MTOR: variants seen among roughly 807,000 people sequenced by gnomAD.
The protein encoded by MTOR is mechanistic target of rapamycin kinase.
In MTOR, 70 loss-of-function variants were observed where a neutral mutation model predicts 319.8. The observed-to-expected ratio is 0.22, with a 90% CI of 0.18 to 0.27. The LOEUF (loss-of-function observed/expected upper bound fraction) is 0.27, where lower values mean the gene tolerates loss of function less well. MTOR is among the 10% of genes least tolerant of loss of function. The pLI is 1.00. For synonymous variants in MTOR, 1,183 were observed against 1,211.4 expected, an observed-to-expected ratio of 0.98 and a Z score of 0.49; for missense variants, 1,890 against 3,274.4, an observed-to-expected ratio of 0.58 and a Z score of 10.32.
chr1:11,141,758 G>C (rs1053787490), intron 34 of MTOR, among the ~76,000 whole-genome samples: 2 of 149,936 alleles, frequency 1.3e-5, no homozygotes, highest in Non-Finnish European at 3.0e-5. Flanking sequence ...AGGCTGAGGT[G>C]GGGGGATCAC....
At chr1:11,247,186 C>CT (rs750870575) in intron 8 of MTOR, among the ~76,000 whole-genome samples, 44 of 152,278 alleles carry the variant, frequency 2.9e-4, no homozygotes, top group Non-Finnish European at 4.7e-4. Context: ...AAGTTGGACT[C>CT]TGAGTTGGGG....
At chr1:11,114,486 G>C (rs1426351862) in intron 52 of MTOR, 33 bp from the exon 53 acceptor site, 1 of 1,612,578 alleles carries the variant, frequency 6.2e-7, no homozygotes, top group Non-Finnish European at 8.5e-7. Flanking sequence ...CACCACAGGA[G>C]TTACTAACTC....
Position 11,107,273 on chromosome 1 carries a change from CA to C in MTOR, c.*211del. 2 of 1,442,136 alleles carry C rather than the reference CA, an allele frequency of 1.4e-6. No homozygotes were observed. Among genetic ancestry groups the C allele is most frequent in the East Asian group, 5.1e-5 (2 of 39,228 alleles). 89.3% of individuals were successfully genotyped at this position (1,442,136 alleles called of 1,614,324 possible). A position where few individuals can be genotyped will look rare whatever the true frequency, so the allele number is the denominator to read the frequency against. ...TACTATGTTTCACTGTCCTGGGAAC[CA>C]AATCAAGCCTTGTGTTTCTGACAAT... On this transcript the variant is annotated 3_prime_UTR_variant, in exon 58 of 58. Coordinates refer to ENST00000361445, the MANE Select transcript of MTOR (RefSeq NM_004958.4).
At position 11,257,024 on chromosome 1, in the gene MTOR, T is replaced by A; in HGVS notation, c.413A>T (p.Asp138Val). 1.9e-6 allele frequency: 3 copies of A among 1,614,016 alleles called. No homozygotes were observed. The highest frequency in any genetic ancestry group is 2.5e-6 in the Non-Finnish European group (3 of 1,180,002). Residue 138 changes from aspartate (D) to valine (V), a missense_variant, in exon 4 of 58, where the codon GAC (aspartate) becomes GTC (valine). By Grantham distance (152) the Asp-to-Val change is radical (BLOSUM62 -3). Coordinates refer to ENST00000361445, the MANE Select transcript of MTOR (RefSeq NM_004958.4). The part of the protein sequence containing the change: ...KAIGRLAMAG[D>V]TFTAEYVEFE... ...TTCCACGTACTCAGCGGTAAAAGTG[T>A]CCCCTGCCATGGCAAGACGGCCAAT...
intron 28 of MTOR, among the ~76,000 whole-genome samples, chr1:11,172,267 T>G (rs1193328161): frequency 6.6e-6 from 1 of 151,670 alleles, no homozygotes; most frequent in Admixed American, 6.6e-5. Flanking sequence ...ATTAAAAAAT[T>G]ACAACTTTGG....
At chr1:11,154,005 G>A (rs927129193) in intron 30 of MTOR, among the ~76,000 whole-genome samples, 2 of 131,934 alleles carry the variant, frequency 1.5e-5, no homozygotes, top group Non-Finnish European at 1.5e-5. Context: ...GGAGGTGAAG[G>A]TTGCAGTGAG....
chr1:11,208,085 C>T (rs969946818), intron 25 of MTOR, among the ~76,000 whole-genome samples: 3 of 152,202 alleles, frequency 2.0e-5, no homozygotes, highest in Admixed American at 6.5e-5. Flanking sequence ...ATGAAAACAT[C>T]TGGGTGGAAA....
At chr1:11,175,031 G>A (rs1337105177) in intron 28 of MTOR, among the ~76,000 whole-genome samples, 6 of 152,148 alleles carry the variant, frequency 3.9e-5, no homozygotes, top group Non-Finnish European at 8.8e-5. Context: ...TCCTCTTGAC[G>A]CCTACTGAGG....
Position 11,247,355 on chromosome 1 carries a change from G to C in MTOR, c.1225+270C>G, listed in dbSNP as rs78613694. 5.9e-3 allele frequency among the ~76,000 whole-genome samples: 897 copies of C among 152,226 alleles called. 24 individuals are homozygous for C. The highest frequency in any genetic ancestry group is 0.048 in the East Asian group (248 of 5,184). On this transcript the variant is annotated intron_variant, in intron 8 of 57. Transcript: ENST00000361445. The stretch of plus-strand genomic sequence containing the variant: ...CTACATCAAAACTGCCCTTCCTTTG[G>C]TCTCTTTTAAGTCTACTTGTGAACT...
chr1:11,240,662 G>C, intron 10 of MTOR, 115 bp from the exon 11 acceptor site: 1 of 1,295,872 alleles, frequency 7.7e-7, no homozygotes, highest in Non-Finnish European at 1.0e-6. Context: ...CTTCAGAGTA[G>C]AAAGGATATT....
rs1012285635 is a variant in MTOR, at chr1:11,121,080, A to C, written c.6933+166T>G. ...TAAACTACTCATTCTAACTCTGTGA[A>C]CTTGTCTTGCTCACCCATTTCATTT... On this transcript the variant is annotated intron_variant, in intron 49 of 57. Coordinates refer to ENST00000361445, the MANE Select transcript of MTOR (RefSeq NM_004958.4). The surrounding 1 kb of genome is among the most constrained non-coding windows in gnomAD (Gnocchi z 4.9). Among the ~76,000 whole-genome samples the C allele has an allele frequency of 2.6e-5, 4 of 152,378 alleles. No individual in the cohort carries two copies. Among genetic ancestry groups the C allele is most frequent in the African/African-American group, 9.6e-5 (4 of 41,592 alleles).
At chr1:11,216,653 TAAAA>T (rs34042645) in intron 19 of MTOR, among the ~76,000 whole-genome samples, 4 of 134,056 alleles carry the variant, frequency 3.0e-5, no homozygotes, top group Non-Finnish European at 4.7e-5. Flanking sequence ...CCCTGTCTCT[TAAAA>T]AAAAAAAAAA....
rs1642987522 is a variant in MTOR at position 11,129,038 on chromosome 1, A to G, written c.5715-87T>C. 2.7e-6 allele frequency: 3 copies of G among 1,124,062 alleles called. No individual in the cohort carries two copies. In the Admixed American group the frequency reaches 6.1e-5, roughly 23 times the overall value. The allele number at this position is 1,124,062 out of a possible 1,614,324, so 69.6% of individuals were successfully genotyped here. A position where few individuals can be genotyped will look rare whatever the true frequency, so the allele number is the denominator to read the frequency against. ...TCATCTCTAAGGCTCCTGAGAAGAG[A>G]GCTGGCAGGGACTCCAACCAGTAAC... On this transcript the variant is annotated intron_variant, in intron 40 of 57. Coordinates refer to ENST00000361445, the MANE Select transcript of MTOR (RefSeq NM_004958.4). This position sits in a 1 kb window ranked among gnomAD's most constrained non-coding sequence, Gnocchi z 4.7.
At position 11,212,124 on chromosome 1, in the gene MTOR, C is replaced by G. The variant is rs1237279866; in HGVS notation, c.3561+188G>C. ...CTTTATTCTGTTTACCGTGTTACCC[C>G]CAGAACGGCACTTAGCTCACATAGG... On this transcript the variant is annotated intron_variant, in intron 23 of 57. Transcript: ENST00000361445. This position sits in a 1 kb window ranked among gnomAD's most constrained non-coding sequence, Gnocchi z 4.1. Among the ~76,000 whole-genome samples the G allele has an allele frequency of 6.6e-6, 1 of 152,092 alleles. No individual in the cohort carries two copies. The highest frequency in any genetic ancestry group is 1.5e-5 in the Non-Finnish European group (1 of 68,024).
At position 11,121,968 on chromosome 1, in the gene MTOR, G is replaced by C. The variant is rs375463431; in HGVS notation, c.6810+11C>G. The C allele has an allele frequency of 3.1e-6, 5 of 1,613,270 alleles. No homozygotes were observed. In the East Asian group the frequency reaches 8.9e-5, roughly 29 times the overall value. ...GGAAGGGGCACTAGCTCTCGTGGCC[G>C]CATCACATACCCGCAACATGATGCG... On this transcript the variant is annotated intron_variant, in intron 48 of 57. Transcript: ENST00000361445. This position sits in a 1 kb window ranked among gnomAD's most constrained non-coding sequence, Gnocchi z 4.9.
chr1:11,209,556 C>G (rs1646247528), intron 24 of MTOR, 98 bp from the exon 25 acceptor site: 1 of 1,416,734 alleles, frequency 7.1e-7, no homozygotes, highest in Admixed American at 2.0e-5. Flanking sequence ...CCTGGTAGAG[C>G]CAGGATTTCA....
At position 11,128,992 on chromosome 1, in the gene MTOR, C is replaced by T; in HGVS notation, c.5715-41G>A. On this transcript the variant is annotated intron_variant, in intron 40 of 57. Transcript: ENST00000361445. The surrounding 1 kb of genome is among the most constrained non-coding windows in gnomAD (Gnocchi z 5.3). ...GAAAGTCACAGAAAATTTAGTTTCC[C>T]AGTTTTTGCCTGCCTGTTTTTCATC... The T allele has an allele frequency of 1.3e-6, 2 of 1,546,428 alleles. No individual in the cohort carries two copies. The highest frequency in any genetic ancestry group is 1.2e-5 in the South Asian group (1 of 86,468).
intron 19 of MTOR, among the ~76,000 whole-genome samples, chr1:11,221,588 G>A (rs981456201): frequency 2.6e-5 from 4 of 151,100 alleles, no homozygotes; most frequent in South Asian, 2.1e-4. Context: ...ATTTTTTTCC[G>A]CCAGAAAGCA....
intron 19 of MTOR, chr1:11,226,154 CAT>C: frequency 6.6e-6 from 1 of 152,136 alleles, no homozygotes; most frequent in East Asian, 1.9e-4. Context: ...AGAGAAAAAC[CAT>C]ATGACTATTA....
Sources: gnomAD v4.1 joint callset for allele counts (sites outside exome capture counted in the v4.1 genomes callset) on GRCh38, gnomAD v4.1.1 for gene constraint, Gnocchi (gnomAD v3.1) non-coding constraint, MANE v1.5 for transcripts, NCBI Gene and HGNC (gene_info 2026-07-23, HGNC 2026-07-21) for gene names.